MIPOL1: variants seen among roughly 807,000 people sequenced by gnomAD.
The protein encoded by MIPOL1 is mirror-image polydactyly gene 1 protein.
In MIPOL1, 57 loss-of-function variants were observed where a neutral mutation model predicts 60.9. The ratio of observed to expected loss-of-function variants is 0.94; its 90% CI spans 0.76 to 1.17. The LOEUF is 1.17. Among genes scored for constraint, MIPOL1 ranks in the 50% most tolerant of loss-of-function variants. The probability of loss-of-function intolerance (pLI) is 0.00; values close to 1 mark genes in which losing one functional copy is unlikely to be tolerated. For synonymous variants in MIPOL1, 179 were observed against 168.8 expected, an observed-to-expected ratio of 1.06 and a Z score of -0.47; for missense variants, 551 against 511.6, an observed-to-expected ratio of 1.08 and a Z score of -0.74.
chr14:37,319,580 G>A (rs2088323967), intron 9 of MIPOL1, among the ~76,000 whole-genome samples: 1 of 152,170 alleles, frequency 6.6e-6, no homozygotes, highest in African/African-American at 2.4e-5. Context: ...TATTATAATT[G>A]AGGCAAGAGG....
At chr14:37,259,271 A>G (rs535746794) in intron 3 of MIPOL1, among the ~76,000 whole-genome samples, 1 of 152,224 alleles carries the variant, frequency 6.6e-6, no homozygotes, top group African/African-American at 2.4e-5. Flanking sequence ...AGAATTACAT[A>G]TGCACTGGGG....
intron 9 of MIPOL1, among the ~76,000 whole-genome samples, chr14:37,354,301 T>C (rs1023292681): frequency 2.8e-5 from 4 of 141,048 alleles, no homozygotes; most frequent in Non-Finnish European, 4.6e-5. Flanking sequence ...TTCTTTTACA[T>C]TTGCTGAGGA....
intron 6 of MIPOL1, among the ~76,000 whole-genome samples, chr14:37,280,328 A>G (rs1460847355): frequency 1.3e-5 from 2 of 152,170 alleles, no homozygotes; most frequent in East Asian, 3.8e-4. Flanking sequence ...TCCTTTGGAT[A>G]CATACCTGGA....
chr14:37,212,086 G>A (rs1009344767), intron 1 of MIPOL1: 9 of 152,120 alleles, frequency 5.9e-5, no homozygotes, highest in African/African-American at 1.9e-4. Context: ...ACTACATCAA[G>A]GGTGTTGGGT....
chr14:37,289,986 AGCAGGTGAAT>A (rs2084919031), intron 7 of MIPOL1, among the ~76,000 whole-genome samples: 1 of 152,224 alleles, frequency 6.6e-6, no homozygotes, highest in Non-Finnish European at 1.5e-5. Context: ...ACAATATCAC[AGCAGGTGAAT>A]GAATTTCACT....
At chr14:37,533,187 TA>T (rs1437663992) in intron 12 of MIPOL1, among the ~76,000 whole-genome samples, 1 of 152,116 alleles carries the variant, frequency 6.6e-6, no homozygotes, top group African/African-American at 2.4e-5. Context: ...CTTATTTATG[TA>T]AAAAGATTAG....
intron 9 of MIPOL1, among the ~76,000 whole-genome samples, chr14:37,334,508 C>A (rs968641496): frequency 8.6e-5 from 13 of 152,036 alleles, no homozygotes; most frequent in African/African-American, 3.1e-4. Context: ...ACATTTTTAA[C>A]AGCTTTATTG....
intron 10 of MIPOL1, among the ~76,000 whole-genome samples, chr14:37,394,057 C>CATATATATATATATATATATACATAT (rs2093316718): frequency 1.4e-5 from 1 of 73,310 alleles, no homozygotes; most frequent in African/African-American, 4.8e-5. Flanking sequence ...TTAGTAGTGG[C>CATATATATATATATATATATACATAT]ATATATATAT....
intron 11 of MIPOL1, among the ~76,000 whole-genome samples, chr14:37,480,505 T>G (rs936901514): frequency 2.0e-5 from 3 of 151,468 alleles, no homozygotes; most frequent in Non-Finnish European, 4.4e-5. Context: ...CAACATCCTT[T>G]CATGATTAAA....
intron 12 of MIPOL1, among the ~76,000 whole-genome samples, chr14:37,526,603 G>A (rs2095449151): frequency 6.8e-6 from 1 of 147,110 alleles, no homozygotes; most frequent in Non-Finnish European, 1.5e-5. Context: ...GGATGGTCTT[G>A]ATCTCCTGAC....
At chr14:37,537,402 T>A (rs1039395743) in intron 12 of MIPOL1, among the ~76,000 whole-genome samples, 3 of 151,816 alleles carry the variant, frequency 2.0e-5, no homozygotes, top group Non-Finnish European at 4.4e-5. Flanking sequence ...CTAGTGTCAA[T>A]TTTTTTTGCA....
chr14:37,307,957 A>G, intron 7 of MIPOL1, 99 bp from the exon 8 acceptor site: 1 of 955,458 alleles, frequency 1.0e-6, no homozygotes, highest in Non-Finnish European at 1.6e-6. Context: ...AGACTAGTCG[A>G]ATGAAATTAC....
chr14:37,397,836 C>T (rs1389233412), intron 10 of MIPOL1, among the ~76,000 whole-genome samples: 1 of 152,148 alleles, frequency 6.6e-6, no homozygotes, highest in Non-Finnish European at 1.5e-5. Context: ...CCTCTAACAA[C>T]CCCAAGTCTG....
At position 37,349,450 on chromosome 14, in the gene MIPOL1, C is replaced by G. The variant is rs143540537; in HGVS notation, c.829-20067C>G. ...GGCTCTGCTGTCCTCATCTCCCACT[C>G]TTCTCCTCCCGCTTGCTTACTTCAT... is the stretch of plus-strand genomic sequence containing the variant. On this transcript the variant is annotated intron_variant, in intron 9 of 12. Coordinates refer to ENST00000684589, the MANE Select transcript of MIPOL1 (RefSeq NM_001388067.1). Among the ~76,000 whole-genome samples the G allele has an allele frequency of 2.9e-3, 443 of 152,320 alleles. 2 individuals are homozygous for G. Among genetic ancestry groups the G allele is most frequent in the African/African-American group, 0.01 (422 of 41,570 alleles).
At chr14:37,414,679 G>A (rs916230551) in intron 10 of MIPOL1, among the ~76,000 whole-genome samples, 1 of 152,072 alleles carries the variant, frequency 6.6e-6, no homozygotes, top group Non-Finnish European at 1.5e-5. Flanking sequence ...ACATGTTTAT[G>A]CCTCTATATC....
chr14:37,214,189 TA>T (rs1448592750), intron 1 of MIPOL1, among the ~76,000 whole-genome samples: 1 of 152,152 alleles, frequency 6.6e-6, no homozygotes, highest in East Asian at 1.9e-4. Flanking sequence ...TATGGCACGG[TA>T]ACTGTGGTGT....
chr14:37,284,596 G>T (rs925106851), intron 6 of MIPOL1, among the ~76,000 whole-genome samples: 3 of 152,148 alleles, frequency 2.0e-5, no homozygotes, highest in Admixed American at 6.5e-5. Context: ...ACCTGCCTCG[G>T]CCTCCCAAAG....
chr14:37,426,602 C>CAT (rs2093970465), intron 11 of MIPOL1, among the ~76,000 whole-genome samples: 1 of 64,232 alleles, frequency 1.6e-5, no homozygotes, highest in Non-Finnish European at 3.5e-5. Context: ...TATACACACA[C>CAT]ACATACATAT....
chr14:37,224,109 T>C (rs1479189024), intron 1 of MIPOL1, among the ~76,000 whole-genome samples: 1 of 152,180 alleles, frequency 6.6e-6, no homozygotes, highest in South Asian at 2.1e-4. Flanking sequence ...TATCTAAATA[T>C]TTATTTTATG....
Sources: gnomAD v4.1 joint callset for allele counts (sites outside exome capture counted in the v4.1 genomes callset) on GRCh38, gnomAD v4.1.1 for gene constraint, MANE v1.5 for transcripts, NCBI Gene and HGNC (gene_info 2026-07-23, HGNC 2026-07-21) for gene names.